CSMD1: variants seen among roughly 807,000 people sequenced by gnomAD.
CSMD1 encodes the protein CUB and sushi domain-containing protein 1.
A neutral mutation model predicts 417.5 loss-of-function variants in CSMD1; 213 were observed. The observed-to-expected ratio is 0.51, with a 90% CI of 0.46 to 0.57. The LOEUF (loss-of-function observed/expected upper bound fraction) is 0.57. Ranked by LOEUF, CSMD1 falls within the 20% of genes least tolerant of loss-of-function variation. CSMD1 has a pLI of 0.00. For missense variants in CSMD1, 6,923 were observed against 4,529.7 expected (o/e 1.53, Z -15.17); for synonymous variants, 2,862 against 1,736.8 (o/e 1.65, Z -16.11).
intron 56 of CSMD1, among the ~76,000 whole-genome samples, chr8:2,973,520 CT>C (rs1204012026): frequency 1.3e-5 from 2 of 152,080 alleles, no homozygotes; most frequent in Non-Finnish European, 2.9e-5. Flanking sequence ...TCACAATAGC[CT>C]ATTCAAATAT....
intron 2 of CSMD1, among the ~76,000 whole-genome samples, chr8:4,431,417 G>A (rs1241204656): frequency 1.3e-5 from 2 of 152,122 alleles, no homozygotes; most frequent in African/African-American, 4.8e-5. Context: ...GATTGAAGGA[G>A]GAACAAGGTG....
intron 13 of CSMD1, among the ~76,000 whole-genome samples, 153 bp downstream of exon 13, chr8:3,409,270 G>A (rs745926771): frequency 4.6e-5 from 7 of 152,184 alleles, no homozygotes; most frequent in African/African-American, 1.4e-4. Context: ...GTTGGTGTTC[G>A]AGAACGTCCT....
chr8:3,910,757 G>C (rs1050515981), intron 5 of CSMD1, among the ~76,000 whole-genome samples: 2 of 152,174 alleles, frequency 1.3e-5, no homozygotes, highest in Non-Finnish European at 2.9e-5. Flanking sequence ...CTTCTTTAGA[G>C]ATTGTAGTGC....
chr8:3,828,779 C>G (rs1036123204), intron 5 of CSMD1, among the ~76,000 whole-genome samples: 4 of 152,108 alleles, frequency 2.6e-5, no homozygotes, highest in African/African-American at 9.7e-5. Flanking sequence ...CACTTCCTCC[C>G]AAGCATCCTT....
At chr8:3,867,099 T>G (rs1194196379) in intron 5 of CSMD1, among the ~76,000 whole-genome samples, 2 of 152,202 alleles carry the variant, frequency 1.3e-5, no homozygotes, top group Admixed American at 6.5e-5. Flanking sequence ...TGTAACCATT[T>G]TGATTGATTG....
At chr8:4,924,197 G>T (rs181812569) in intron 1 of CSMD1, among the ~76,000 whole-genome samples, 20 of 152,176 alleles carry the variant, frequency 1.3e-4, no homozygotes, top group African/African-American at 4.6e-4. Flanking sequence ...AAAAAATGTA[G>T]GATCCACTTT....
In CSMD1 at chr8:3,468,740, G is replaced by C. The variant is rs779691619; in HGVS notation, c.1533C>G (p.Gly511=). 1 of 1,605,702 alleles carries C rather than the reference G, an allele frequency of 6.2e-7. No individual in the cohort carries two copies. The highest frequency in any genetic ancestry group is 1.1e-5 in the South Asian group (1 of 89,092). The part of the protein sequence containing the change: ...WLHLQSDDSI[G]SPGFKAVYQE... ...GGTAAACAGCTTTAAACCCAGGTGA[G>C]CCAATGCTATCATCCGACTGCAGAT... Residue 511 remains glycine (G), a synonymous_variant, in exon 12 of 70, where the codon GGC becomes GGG. Coordinates refer to ENST00000635120, the MANE Select transcript of CSMD1 (RefSeq NM_033225.6).
rs569688473 is a variant in CSMD1, at chr8:3,999,244, T to C, written c.611-1134A>G. On this transcript the variant is annotated intron_variant, in intron 4 of 69. Coordinates refer to ENST00000635120, the MANE Select transcript of CSMD1 (RefSeq NM_033225.6). ...AATTCTGATACTGCAATGTGGATGA[T>C]ATGTAAAAGTCAGCCTGTTACCAAG... 1.8e-4 allele frequency among the ~76,000 whole-genome samples: 28 copies of C among 152,210 alleles called. No individual in the cohort carries two copies. The South Asian group carries it at 5.8e-3, about 32-fold the overall frequency.
At chr8:3,524,274 C>T (rs539797227) in intron 10 of CSMD1, among the ~76,000 whole-genome samples, 7 of 151,498 alleles carry the variant, frequency 4.6e-5, no homozygotes, top group Admixed American at 6.6e-5. Flanking sequence ...CACACACACA[C>T]GCACATATAC....
At chr8:4,122,324 G>A (rs1045346152) in intron 3 of CSMD1, among the ~76,000 whole-genome samples, 45 of 152,056 alleles carry the variant, frequency 3.0e-4, no homozygotes, top group African/African-American at 1.0e-3. Context: ...CAAATATTAA[G>A]GGATATTTAA....
intron 3 of CSMD1, among the ~76,000 whole-genome samples, chr8:4,105,553 C>A (rs142247091): frequency 6.6e-6 from 1 of 152,046 alleles, no homozygotes; most frequent in African/African-American, 2.4e-5. Flanking sequence ...TTAAAAAATA[C>A]GACAAATAAG....
chr8:4,438,454 G>C (rs1278450290), intron 2 of CSMD1, among the ~76,000 whole-genome samples: 1 of 152,154 alleles, frequency 6.6e-6, no homozygotes, highest in Non-Finnish European at 1.5e-5. Context: ...ATGTTAACTG[G>C]GACATGTGGC....
intron 2 of CSMD1, among the ~76,000 whole-genome samples, chr8:4,542,353 T>A (rs1321426042): frequency 7.4e-6 from 1 of 135,132 alleles, no homozygotes; most frequent in African/African-American, 2.5e-5. Flanking sequence ...ACAAACTTAC[T>A]AACAAAAAAA....
chr8:4,233,953 G>A (rs1026151849), intron 3 of CSMD1, among the ~76,000 whole-genome samples: 1 of 150,722 alleles, frequency 6.6e-6, no homozygotes, highest in Non-Finnish European at 1.5e-5. Flanking sequence ...AATGCATGGA[G>A]AGCTTAAGGT....
At chr8:3,795,009 TAC>T (rs1799964907) in intron 5 of CSMD1, among the ~76,000 whole-genome samples, 2 of 151,598 alleles carry the variant, frequency 1.3e-5, no homozygotes, top group Non-Finnish European at 3.0e-5. Flanking sequence ...TAGCTATAAA[TAC>T]ATATCTATCA....
intron 7 of CSMD1, among the ~76,000 whole-genome samples, chr8:3,676,871 G>A (rs1227784552): frequency 1.3e-5 from 2 of 152,136 alleles, no homozygotes; most frequent in Non-Finnish European, 2.9e-5. Context: ...GATGAAGCTG[G>A]AAACCATCAT....
At chr8:4,578,155 A>C (rs1799226077) in intron 2 of CSMD1, among the ~76,000 whole-genome samples, 2 of 151,994 alleles carry the variant, frequency 1.3e-5, no homozygotes, top group South Asian at 4.2e-4. Context: ...CAGGCTGATA[A>C]AAGAGCATTT....
At chr8:4,860,476 G>T (rs1190864649) in intron 1 of CSMD1, among the ~76,000 whole-genome samples, 1 of 151,742 alleles carries the variant, frequency 6.6e-6, no homozygotes, top group African/African-American at 2.4e-5. Flanking sequence ...CATGTAATTT[G>T]CTGGCTCCCT....
At chr8:3,460,781 T>C (rs189397905) in intron 12 of CSMD1, among the ~76,000 whole-genome samples, 1 of 152,288 alleles carries the variant, frequency 6.6e-6, no homozygotes, top group African/African-American at 2.4e-5. Context: ...GGGAGATTAT[T>C]TTCCCCGGCT....
Sources: allele counts gnomAD v4.1 joint callset (sites outside exome capture counted in the v4.1 genomes callset), GRCh38; gene constraint gnomAD v4.1.1; transcripts MANE v1.5; gene names NCBI Gene and HGNC (gene_info 2026-07-23, HGNC 2026-07-21).